The following HOXB3 variants were observed in gnomAD, a reference collection of about 807,000 sequenced individuals.
HOXB3 encodes homeobox B3.
HOXB3 carries 17 observed loss-of-function variants against 29.2 expected under a neutral mutation model. The ratio of observed to expected loss-of-function variants is 0.58; its 90% CI spans 0.40 to 0.87. The LOEUF (loss-of-function observed/expected upper bound fraction) is 0.87. Among genes scored for constraint, HOXB3 ranks in the 40% least tolerant of loss-of-function variants. HOXB3 has a pLI of 0.00. For missense variants in HOXB3, 637 were observed against 616.3 expected (o/e 1.03, Z -0.35); for synonymous variants, 317 against 285.9 (o/e 1.11, Z -1.10).
rs141466368 is a variant in HOXB3, at chr17:48,561,752, G to C, written c.-246-6134C>G. Among the ~76,000 whole-genome samples the C allele has an allele frequency of 1.2e-4, 19 of 152,338 alleles. No individual in the cohort carries two copies. The East Asian group carries it at 3.7e-3, about 29-fold the overall frequency. ...CATACTTGGGATAGGCTTGGGAGTT[G>C]GAAGGCCTGAATTTCAGATGTTCCA... On this transcript the variant is annotated intron_variant, in intron 2 of 4. Transcript: ENST00000498678.
At chr17:48,577,898 A>G in intron 1 of HOXB3, 1 of 1,381,894 alleles carries the variant, frequency 7.2e-7, no homozygotes, top group South Asian at 2.1e-5. Context: ...CCAGGGGTAG[A>G]CGACGGGCTC....
rs575523427 is a variant in HOXB3, at chr17:48,552,574, C to T, written c.-100G>A. The T allele has an allele frequency of 5.1e-6, 4 of 780,394 alleles. No individual in the cohort carries two copies. The African/African-American group carries it at 6.1e-5, about 12-fold the overall frequency. The allele number at this position is 780,394 out of a possible 1,614,324, so 48.3% of individuals were successfully genotyped here. A position where few individuals can be genotyped will look rare whatever the true frequency, so the allele number is the denominator to read the frequency against. On this transcript the variant is annotated 5_prime_UTR_variant, in exon 4 of 5. Transcript: ENST00000498678. ...TGGGGGTCACGTGACACGCCGGACCCCCCCCCCCCACCTCCCCTCTCTGCC... is the reference window on the plus strand; with the variant it reads ...TGGGGGTCACGTGACACGCCGGACCTCCCCCCCCCACCTCCCCTCTCTGCC...
rs1280232905 is a variant in HOXB3 at position 48,554,948 on chromosome 17, T to C, written c.-159+583A>G. On this transcript the variant is annotated intron_variant, in intron 3 of 4. Coordinates refer to ENST00000498678, the MANE Select transcript of HOXB3 (RefSeq NM_001384749.1). The surrounding 1 kb of genome is among the most constrained non-coding windows in gnomAD (Gnocchi z 4.1). ...AACTCTACCAAGCCAAACAGATCTATTTCCCTTGCCTCCATGTTGGAAAAA... is the reference window on the plus strand; with the variant it reads ...AACTCTACCAAGCCAAACAGATCTACTTCCCTTGCCTCCATGTTGGAAAAA... The C allele has an allele frequency of 4.7e-6, 3 of 641,926 alleles. No homozygotes were observed. The highest frequency in any genetic ancestry group is 3.5e-5 in the South Asian group (2 of 57,840). The allele number at this position is 641,926 out of a possible 1,614,324, so 39.8% of individuals were successfully genotyped here.
chr17:48,573,810 C>T (rs148713420), intron 2 of HOXB3, 27 bp downstream of exon 2: 2 of 701,082 alleles, frequency 2.9e-6, no homozygotes, highest in African/African-American at 1.8e-5. Flanking sequence ...GATCAAAACA[C>T]GCCAGCCCGG....
chr17:48,558,940 T>TGAGA (rs139226124), intron 2 of HOXB3, among the ~76,000 whole-genome samples: 2 of 148,830 alleles, frequency 1.3e-5, no homozygotes, highest in Admixed American at 6.7e-5. Flanking sequence ...TGTGTGTGTG[T>TGAGA]GAGAGAGAGA....
intron 2 of HOXB3, among the ~76,000 whole-genome samples, chr17:48,571,176 G>T (rs776131819): frequency 6.6e-6 from 1 of 152,204 alleles, no homozygotes; most frequent in Admixed American, 6.5e-5. Flanking sequence ...TAAAGCGAAC[G>T]TTTACACTGT....
rs2069671800 is a variant in HOXB3, at chr17:48,573,925, A to T, written c.-335T>A. On this transcript the variant is annotated 5_prime_UTR_variant, in exon 2 of 5. Coordinates refer to ENST00000498678, the MANE Select transcript of HOXB3 (RefSeq NM_001384749.1). ...TCCAAACTGAGAGAAAAAAGTTTTC[A>T]ACTTTATGGTTCCAAATTTTTTCCC... The T allele has an allele frequency of 1.4e-6, 1 of 696,644 alleles. No individual in the cohort carries two copies. Among genetic ancestry groups the T allele is most frequent in the African/African-American group, 1.8e-5 (1 of 56,786 alleles). The allele number at this position is 696,644 out of a possible 1,614,324, so 43.2% of individuals were successfully genotyped here. A position where few individuals can be genotyped will look rare whatever the true frequency, so the allele number is the denominator to read the frequency against.
rs746932355 is a variant in HOXB3 at position 48,578,201 on chromosome 17, C to T, written c.-424-4187G>A. 8 of 1,613,482 alleles carry T rather than the reference C, an allele frequency of 5.0e-6. No individual in the cohort carries two copies. In the African/African-American group the frequency reaches 1.1e-4, roughly 22 times the overall value. On this transcript the variant is annotated intron_variant, in intron 1 of 4. Coordinates refer to ENST00000498678, the MANE Select transcript of HOXB3 (RefSeq NM_001384749.1). ...GAAGCTGCTCTCTCGCCTCTGGCCG[C>T]CGGCGTAGTACCCGGGCGAGTGGTC...
intron 2 of HOXB3, among the ~76,000 whole-genome samples, chr17:48,572,905 A>C (rs1249150167): frequency 6.6e-6 from 1 of 152,102 alleles, no homozygotes; most frequent in Non-Finnish European, 1.5e-5. Flanking sequence ...GGGGCTTCCG[A>C]GGTCATTTTG....
intron 1 of HOXB3, chr17:48,576,995 C>T: frequency 6.2e-7 from 1 of 1,606,324 alleles, no homozygotes; most frequent in Non-Finnish European, 8.5e-7. Context: ...AGCGCTTGGG[C>T]TCCCCGCCGG....
intron 3 of HOXB3, 176 bp downstream of exon 3, chr17:48,555,355 A>AGG (rs1374553999): frequency 2.1e-6 from 1 of 466,228 alleles, no homozygotes; most frequent in Non-Finnish European, 3.8e-6. Flanking sequence ...AGAGAGAGAG[A>AGG]GAGAGAGAGG....
At chr17:48,564,428 C>G (rs1319331307) in intron 2 of HOXB3, among the ~76,000 whole-genome samples, 1 of 151,886 alleles carries the variant, frequency 6.6e-6, no homozygotes, top group East Asian at 1.9e-4. Context: ...GCCCCCACCC[C>G]GCCCCCGCCC....
rs771928715 is a variant in HOXB3 at position 48,552,374 on chromosome 17, TG to T, written c.100del (p.Gln34AsnfsTer41). Reference protein sequence around the residue: ...SNGFGFDVPPQPPFQAATHLE... With the variant: ...SNGFGFDVPPXPPFQAATHLE... The stretch of plus-strand genomic sequence containing the variant: ...GTGCGTGGCGGCCTGAAATGGGGGT[TG>T]GGGGGGGACATCGAAGCCGAAGCCA... On this transcript the variant is annotated frameshift_variant, in exon 4 of 5. Transcript: ENST00000498678. LOFTEE classifies it high-confidence loss of function. 9.3e-6 allele frequency: 15 copies of T among 1,611,532 alleles called. No homozygotes were observed. Among genetic ancestry groups the T allele is most frequent in the East Asian group, 2.2e-5 (1 of 44,826 alleles).
chr17:48,550,152 G>C lies in HOXB3; in HGVS notation c.*182C>G. The C allele has an allele frequency of 1.4e-6, 1 of 698,396 alleles. No individual in the cohort carries two copies. The highest frequency in any genetic ancestry group is 2.3e-6 in the Non-Finnish European group (1 of 425,962). The allele number at this position is 698,396 out of a possible 1,614,324, so 43.3% of individuals were successfully genotyped here. ...GGTTGGCAGGCAGATGGAACAAGGG[G>C]TGGAAGACTTAAAAGCAACCTCTCA... On this transcript the variant is annotated 3_prime_UTR_variant, in exon 5 of 5. Transcript: ENST00000498678.
intron 1 of HOXB3, chr17:48,576,594 G>A (rs890634113): frequency 2.8e-5 from 21 of 755,986 alleles, no homozygotes; most frequent in Middle Eastern, 3.8e-4. Context: ...CGTATATAAA[G>A]TGTGGGGGAG....
chr17:48,554,791 C>T lies in HOXB3; in HGVS notation c.-159+740G>A. On this transcript the variant is annotated intron_variant, in intron 3 of 4. Transcript: ENST00000498678. The surrounding 1 kb of genome is among the most constrained non-coding windows in gnomAD (Gnocchi z 4.1). The stretch of plus-strand genomic sequence containing the variant: ...CGAATTAAAAGGCGCCTTAGAAACT[C>T]CGCTTCGGGACTTTGCTCAGCAGGG... 1.4e-6 allele frequency: 1 copy of T among 702,372 alleles called. No homozygotes were observed. The allele number at this position is 702,372 out of a possible 1,614,324, so 43.5% of individuals were successfully genotyped here.
At chr17:48,569,699 GA>G (rs1253897322) in intron 2 of HOXB3, among the ~76,000 whole-genome samples, 2 of 152,156 alleles carry the variant, frequency 1.3e-5, no homozygotes, top group East Asian at 3.8e-4. Flanking sequence ...GAGCCACTTT[GA>G]AAATAAACAC....
chr17:48,570,364 CGGGGCATGGGAT>C (rs1226279552), intron 2 of HOXB3, among the ~76,000 whole-genome samples: 1 of 152,094 alleles, frequency 6.6e-6, no homozygotes, highest in Non-Finnish European at 1.5e-5. Flanking sequence ...AGTTCTCGGC[CGGGGCATGGGAT>C]GGGGGGTGGG....
intron 1 of HOXB3, chr17:48,577,827 A>G: frequency 7.3e-7 from 1 of 1,376,294 alleles, no homozygotes; most frequent in Non-Finnish European, 9.4e-7. Flanking sequence ...GTAAAGCTCC[A>G]GGGGTGGGAG....
Sources: gnomAD v4.1 joint callset for allele counts (sites outside exome capture counted in the v4.1 genomes callset) on GRCh38, gnomAD v4.1.1 for gene constraint, Gnocchi (gnomAD v3.1) non-coding constraint, MANE v1.5 for transcripts, NCBI Gene and HGNC (gene_info 2026-07-23, HGNC 2026-07-21) for gene names.